NOS2: variants seen among roughly 807,000 people sequenced by gnomAD.
NOS2 encodes the protein nitric oxide synthase, inducible.
NOS2 carries 96 observed loss-of-function variants against 136.0 expected under a neutral mutation model. The ratio of observed to expected loss-of-function variants is 0.71; its 90% CI spans 0.60 to 0.84. The LOEUF (loss-of-function observed/expected upper bound fraction) is 0.84. Ranked by LOEUF, NOS2 falls within the 40% of genes least tolerant of loss-of-function variation. NOS2 has a pLI of 0.00. For synonymous variants in NOS2, 539 were observed against 587.5 expected, an observed-to-expected ratio of 0.92 and a Z score of 1.20; for missense variants, 1,237 against 1,496.9, an observed-to-expected ratio of 0.83 and a Z score of 2.87.
chr17:27,789,490 T>G, intron 3 of NOS2, 114 bp downstream of exon 3: 1 of 804,694 alleles, frequency 1.2e-6, no homozygotes, highest in Non-Finnish European at 2.1e-6. Context: ...CTCTCCACTC[T>G]CCATCCAAAC....
Position 27,794,627 on chromosome 17 carries a change from C to T in NOS2, c.110+4073G>A, listed in dbSNP as rs28998818. Among the ~76,000 whole-genome samples, 1,223 of 152,198 alleles carry T rather than the reference C, an allele frequency of 8.0e-3. 14 individuals are homozygous for T. The highest frequency in any genetic ancestry group is 0.028 in the African/African-American group (1,152 of 41,512). On this transcript the variant is annotated intron_variant, in intron 2 of 26. Coordinates refer to ENST00000313735, the MANE Select transcript of NOS2 (RefSeq NM_000625.4). ...GCCCAGCAAGCAACACATAGCTCGA[C>T]TTGGTTCTGAATTCCATGTGTCTTC...
chr17:27,763,969 C>G lies in NOS2; in HGVS notation c.2592+12G>C. 5 of 1,610,258 alleles carry G rather than the reference C, an allele frequency of 3.1e-6. No individual in the cohort carries two copies. The highest frequency in any genetic ancestry group is 4.2e-6 in the Non-Finnish European group (5 of 1,178,492). The stretch of plus-strand genomic sequence containing the variant: ...CCACATACCCCCACTGCCCACCAGC[C>G]CTGATCTTCACCTGGCACAGGGCCT... On this transcript the variant is annotated intron_variant, in intron 21 of 26. Coordinates refer to ENST00000313735, the MANE Select transcript of NOS2 (RefSeq NM_000625.4).
rs1908823548 is a variant in NOS2 at position 27,780,948 on chromosome 17, TGC to T, written c.865-44_865-43del. ...GCCCTGTGAGTCTGTAAGCCCGGGC[TGC>T]GTGTCTCCTCTGGGCTCCACTCTGT... On this transcript the variant is annotated intron_variant, in intron 8 of 26. Transcript: ENST00000313735. The T allele has an allele frequency of 1.9e-6, 3 of 1,599,268 alleles. No homozygotes were observed. In the African/African-American group the frequency reaches 4.0e-5, roughly 21 times the overall value.
intron 7 of NOS2, 83 bp from the exon 8 acceptor site, chr17:27,781,260 C>T (rs1021041291): frequency 1.5e-5 from 22 of 1,450,996 alleles, no homozygotes; most frequent in Non-Finnish European, 2.0e-5. Context: ...CCTCCCTCTC[C>T]ACCCTACCTG....
At chr17:27,793,752 T>G (rs1909267196) in intron 2 of NOS2, 5 of 388,818 alleles carry the variant, frequency 1.3e-5, no homozygotes, top group South Asian at 1.3e-4. Context: ...CGCCCGCGCT[T>G]TATCGCTCGG....
At chr17:27,761,489 G>A (rs1377195835) in intron 22 of NOS2, among the ~76,000 whole-genome samples, 1 of 152,160 alleles carries the variant, frequency 6.6e-6, no homozygotes, top group East Asian at 1.9e-4. Flanking sequence ...GAGGAAAAGT[G>A]ACTTGAAAAA....
rs573023786 is a variant in NOS2 at position 27,796,468 on chromosome 17, T to A, written c.110+2232A>T. ...AGACCCTGTCTAAAAATAATAATAATAAAAAATAAAAATAGAAAAGAAAAA... is the reference window on the plus strand; with the variant it reads ...AGACCCTGTCTAAAAATAATAATAAAAAAAAATAAAAATAGAAAAGAAAAA... On this transcript the variant is annotated intron_variant, in intron 2 of 26. Coordinates refer to ENST00000313735, the MANE Select transcript of NOS2 (RefSeq NM_000625.4). Among the ~76,000 whole-genome samples the A allele has an allele frequency of 3.5e-3, 529 of 151,392 alleles. 1 individual carries two copies. Among genetic ancestry groups the A allele is most frequent in the African/African-American group, 0.012 (509 of 41,222 alleles).
chr17:27,793,853 T>G, intron 2 of NOS2: 4 of 363,732 alleles, frequency 1.1e-5, no homozygotes, highest in Non-Finnish European at 2.0e-5. Context: ...CTGCCCCTCC[T>G]TCCCTGCCTT....
chr17:27,799,808 A>G (rs1909476291), intron 1 of NOS2, among the ~76,000 whole-genome samples: 1 of 151,442 alleles, frequency 6.6e-6, no homozygotes, highest in Admixed American at 6.6e-5. Context: ...AAAAAGAAAG[A>G]AAGGGAAGGG....
chr17:27,767,576 C>G (rs1008689836), intron 18 of NOS2, 129 bp downstream of exon 18: 27 of 1,076,000 alleles, frequency 2.5e-5, no homozygotes, highest in Non-Finnish European at 5.2e-6. Context: ...CAGGCTCTTG[C>G]ATGCAGTGAG....
At position 27,758,848 on chromosome 17, in the gene NOS2, C is replaced by T. The variant is rs200265174; in HGVS notation, c.3354+33G>A. ...GGCTCCAACGGCCTGTGCCCTTGGC[C>T]GGCACCTTCAGCCCACACACCCACT... is the stretch of plus-strand genomic sequence containing the variant. On this transcript the variant is annotated intron_variant, in intron 26 of 26. Transcript: ENST00000313735. 1.5e-5 allele frequency: 21 copies of T among 1,383,300 alleles called. No individual in the cohort carries two copies. In the Middle Eastern group the frequency reaches 1.0e-3, roughly 66 times the overall value. The allele number at this position is 1,383,300 out of a possible 1,614,324, so 85.7% of individuals were successfully genotyped here.
intron 12 of NOS2, 80 bp downstream of exon 12, chr17:27,774,177 A>G: frequency 2.7e-6 from 3 of 1,106,182 alleles, no homozygotes; most frequent in Non-Finnish European, 3.6e-6. Flanking sequence ...CTACATGTGT[A>G]ACAATGAGGT....
intron 6 of NOS2, 38 bp downstream of exon 6, chr17:27,782,906 C>T: frequency 1.2e-6 from 2 of 1,607,842 alleles, no homozygotes; most frequent in Non-Finnish European, 1.7e-6. Flanking sequence ...GGCCTGGCCG[C>T]CTCCAGCTCT....
In NOS2 at chr17:27,769,049, G is replaced by T; in HGVS notation, c.1962C>A (p.Thr654=). The T allele has an allele frequency of 6.2e-7, 1 of 1,612,674 alleles. No individual in the cohort carries two copies. ...KLSHLGASQL[T]PMGEGDELSG... The stretch of plus-strand genomic sequence containing the variant: ...TGAGCTCATCCCCTTCTCCCATCGG[G>T]GTGAGCTGAGAGGCCCCCAGGTGGG... The change falls in exon 17 of 27, where the codon ACC becomes ACA. Residue 654 remains threonine, a synonymous_variant. Coordinates refer to ENST00000313735, the MANE Select transcript of NOS2 (RefSeq NM_000625.4).
At position 27,769,839 on chromosome 17, in the gene NOS2, C is replaced by A. The variant is rs1165044536; in HGVS notation, c.1810-255G>T. ...ATGGGGGACCTGGAACAGCTGGGCC[C>A]CCACCCATCCAGCCCTGGCAGAGGG... On this transcript the variant is annotated intron_variant, in intron 15 of 26. Transcript: ENST00000313735. 2.0e-5 allele frequency among the ~76,000 whole-genome samples: 3 copies of A among 152,188 alleles called. No individual in the cohort carries two copies. In the East Asian group the frequency reaches 5.8e-4, roughly 29 times the overall value.
At position 27,789,659 on chromosome 17, in the gene NOS2, T is replaced by G; in HGVS notation, c.140A>C (p.His47Pro). 1 of 1,614,078 alleles carries G rather than the reference T, an allele frequency of 6.2e-7. No homozygotes were observed. The highest frequency in any genetic ancestry group is 8.5e-7 in the Non-Finnish European group (1 of 1,179,942). The part of the protein sequence containing the change: ...SPVTQDDLQY[H>P]NLSKQQNESP... ...CTCATTCTGCTGCTTGCTGAGGTTG[T>G]GATACTGAAGGTCATCCTGTGTCAC... The change falls in exon 3 of 27, where the codon CAC (histidine) becomes CCC (proline). Residue 47 changes from histidine to proline, a missense_variant. By Grantham distance (77) the His-to-Pro change is moderately conservative. Transcript: ENST00000313735.
chr17:27,769,497 G>A (rs781463010), intron 16 of NOS2, 38 bp downstream of exon 16: 19 of 1,592,100 alleles, frequency 1.2e-5, no homozygotes, highest in Non-Finnish European at 1.6e-5. Context: ...TGGGTCCACA[G>A]GGCAGGGCTA....
At chr17:27,787,863 T>C (rs1909068651) in intron 4 of NOS2, 37 bp from the exon 5 acceptor site, 1 of 1,573,288 alleles carries the variant, frequency 6.4e-7, no homozygotes, top group Admixed American at 1.8e-5. Flanking sequence ...GGTGGGCCAT[T>C]CGGCCTCTTG....
chr17:27,771,092 C>T, intron 14 of NOS2, 75 bp from the exon 15 acceptor site: 1 of 1,045,918 alleles, frequency 9.6e-7, no homozygotes, highest in South Asian at 1.4e-5. Context: ...ACACCCTGGG[C>T]TTCCTCCCAC....
Sources: gnomAD v4.1 joint callset for allele counts (sites outside exome capture counted in the v4.1 genomes callset) on GRCh38, gnomAD v4.1.1 for gene constraint, MANE v1.5 for transcripts, NCBI Gene and HGNC (gene_info 2026-07-23, HGNC 2026-07-21) for gene names.